Variants in USP33 observed in about 807,000 individuals in gnomAD.
The protein encoded by USP33 is ubiquitin specific peptidase 33.
A neutral mutation model predicts 124.2 loss-of-function variants in USP33; 46 were observed. The observed-to-expected ratio is 0.37, with a 90% CI of 0.29 to 0.47. The LOEUF is 0.47. Ranked by LOEUF, USP33 falls within the 20% of genes least tolerant of loss-of-function variation. The probability of loss-of-function intolerance (pLI) is 0.99; values close to 1 mark genes in which losing one functional copy is unlikely to be tolerated. For missense variants in USP33, 851 were observed against 1,070.6 expected, an observed-to-expected ratio of 0.79 and a Z score of 2.86; for synonymous variants, 350 against 352.3, an observed-to-expected ratio of 0.99 and a Z score of 0.07.
At chr1:77,729,145 A>G (rs1178271343) in intron 9 of USP33, among the ~76,000 whole-genome samples, 1 of 152,144 alleles carries the variant, frequency 6.6e-6, no homozygotes, top group Non-Finnish European at 1.5e-5. Flanking sequence ...GGCTTAAGCA[A>G]TCCGCCTACC....
At position 77,722,054 on chromosome 1, in the gene USP33, C is replaced by T; in HGVS notation, c.1532G>A (p.Trp511Ter). The T allele has an allele frequency of 6.2e-7, 1 of 1,613,054 alleles. No individual in the cohort carries two copies. The highest frequency in any genetic ancestry group is 8.5e-7 in the Non-Finnish European group (1 of 1,179,742). ...SCGEAYAPQG[W>*]IAFFMEYVKR... ...CACATATTCCATGAAAAAAGCTATC[C>T]ACCCTTGTGGAGCATATGCTTCGCC... Residue 511 changes from tryptophan (W) to a stop codon, truncating the protein, a stop_gained, in exon 13 of 24, where the codon TGG (tryptophan) becomes TAG (stop). Transcript: ENST00000370794. LOFTEE classifies it high-confidence loss of function.
chr1:77,722,827 T>C (rs918098501), intron 12 of USP33, among the ~76,000 whole-genome samples: 1 of 152,234 alleles, frequency 6.6e-6, no homozygotes, highest in Non-Finnish European at 1.5e-5. Context: ...TGAAGAAGTG[T>C]TATTAAAAAA....
intron 1 of USP33, among the ~76,000 whole-genome samples, chr1:77,748,983 C>A (rs191116542): frequency 6.6e-6 from 1 of 152,224 alleles, no homozygotes; most frequent in East Asian, 1.9e-4. Context: ...AACCAATCTT[C>A]CATCATTTTT....
intron 1 of USP33, among the ~76,000 whole-genome samples, chr1:77,752,817 C>T (rs1484483490): frequency 6.6e-6 from 1 of 152,026 alleles, no homozygotes; most frequent in African/African-American, 2.4e-5. Context: ...GTGGCTCACA[C>T]CTGTAATCCC....
At chr1:77,706,478 A>C (rs1039617894) in intron 21 of USP33, among the ~76,000 whole-genome samples, 2 of 152,182 alleles carry the variant, frequency 1.3e-5, no homozygotes, top group African/African-American at 4.8e-5. Context: ...TATAACTTAC[A>C]CTGGATTTAG....
At chr1:77,717,792 G>T in intron 17 of USP33, 75 bp downstream of exon 17, 2 of 1,356,850 alleles carry the variant, frequency 1.5e-6, no homozygotes, top group Non-Finnish European at 2.0e-6. Context: ...GGTATTACAG[G>T]TATGAGCCAC....
At chr1:77,724,540 T>C (rs376495849) in intron 11 of USP33, among the ~76,000 whole-genome samples, 75 of 152,164 alleles carry the variant, frequency 4.9e-4, no homozygotes, top group African/African-American at 1.7e-3. Flanking sequence ...TACTAAATGG[T>C]AGACACTCTG....
In USP33 at chr1:77,701,854, G is replaced by C. The variant is rs548663233; in HGVS notation, c.2407-383C>G. 2.6e-5 allele frequency among the ~76,000 whole-genome samples: 4 copies of C among 151,974 alleles called. No homozygotes were observed. The South Asian group carries it at 6.2e-4, about 24-fold the overall frequency. On this transcript the variant is annotated intron_variant, in intron 21 of 23. Transcript: ENST00000370794. The stretch of plus-strand genomic sequence containing the variant: ...CTGGCTAATTTTTGTATTTTTAGTA[G>C]AAATGAGGTTTTGCCATGTTGGCCA...
chr1:77,757,804 T>C (rs1378365653), intron 1 of USP33, among the ~76,000 whole-genome samples: 1 of 152,164 alleles, frequency 6.6e-6, no homozygotes, highest in Non-Finnish European at 1.5e-5. Flanking sequence ...AATCTTGAAA[T>C]GTTTCTGTCA....
intron 17 of USP33, among the ~76,000 whole-genome samples, chr1:77,716,471 A>C (rs1310625290): frequency 6.6e-6 from 1 of 152,194 alleles, no homozygotes; most frequent in Non-Finnish European, 1.5e-5. Context: ...GACTCCAAGA[A>C]CAGTGCTGTA....
intron 1 of USP33, among the ~76,000 whole-genome samples, chr1:77,747,598 T>A (rs1679872851): frequency 6.6e-6 from 1 of 152,214 alleles, no homozygotes; most frequent in Non-Finnish European, 1.5e-5. Context: ...TCTGTCTTAA[T>A]GCCAATACTG....
intron 15 of USP33, chr1:77,720,542 AG>A: frequency 1.0e-6 from 1 of 985,448 alleles, no homozygotes; most frequent in Non-Finnish European, 1.2e-6. Context: ...GCCAAGAACT[AG>A]AAGTCTGTAT....
chr1:77,702,614 T>A (rs1044540964), intron 21 of USP33, among the ~76,000 whole-genome samples: 2 of 152,076 alleles, frequency 1.3e-5, no homozygotes, highest in East Asian at 1.9e-4. Context: ...TATACACAAC[T>A]CTGTCAGAAA....
intron 21 of USP33, 134 bp downstream of exon 21, chr1:77,711,613 C>T (rs1675271440): frequency 2.8e-6 from 4 of 1,423,904 alleles, no homozygotes; most frequent in Non-Finnish European, 3.7e-6. Flanking sequence ...AGGTCATTCA[C>T]CATTATGCAC....
chr1:77,718,705 C>T (rs540015582), intron 15 of USP33, 64 bp from the exon 16 acceptor site: 1 of 1,306,922 alleles, frequency 7.7e-7, no homozygotes. Context: ...AAATTTGCAA[C>T]AAAAATCTTT....
chr1:77,732,319 A>C (rs1217241494), intron 7 of USP33, among the ~76,000 whole-genome samples: 4 of 151,932 alleles, frequency 2.6e-5, no homozygotes, highest in Non-Finnish European at 2.9e-5. Context: ...TCAATCAATC[A>C]TCCTCCTAAA....
intron 1 of USP33, among the ~76,000 whole-genome samples, chr1:77,743,065 C>G (rs1468605288): frequency 6.6e-6 from 1 of 152,058 alleles, no homozygotes; most frequent in East Asian, 1.9e-4. Flanking sequence ...GCCTCAGCCT[C>G]CCGAGTAGCT....
At chr1:77,710,081 T>C (rs1258462458) in intron 21 of USP33, among the ~76,000 whole-genome samples, 1 of 152,172 alleles carries the variant, frequency 6.6e-6, no homozygotes, top group Non-Finnish European at 1.5e-5. Context: ...CATTTTCCCA[T>C]ATGGAACCAA....
intron 21 of USP33, 46 bp from the exon 22 acceptor site, chr1:77,701,517 T>C: frequency 1.3e-6 from 2 of 1,483,634 alleles, no homozygotes; most frequent in Non-Finnish European, 9.3e-7. Context: ...AAAACTTGCT[T>C]TATGGCAAAA....
Sources: allele counts gnomAD v4.1 joint callset (sites outside exome capture counted in the v4.1 genomes callset), GRCh38; gene constraint gnomAD v4.1.1; transcripts MANE v1.5; gene names NCBI Gene and HGNC (gene_info 2026-07-23, HGNC 2026-07-21).